MARCHF5: variants seen among roughly 807,000 people sequenced by gnomAD.
The protein encoded by MARCHF5 is E3 ubiquitin-protein ligase MARCHF5.
In MARCHF5, 5 loss-of-function variants were observed where a neutral mutation model predicts 36.5. The observed-to-expected ratio is 0.14, with a 90% CI of 0.07 to 0.29. MARCHF5 has a LOEUF of 0.29. MARCHF5 is among the 10% of genes least tolerant of loss of function. MARCHF5 has a pLI of 1.00. For missense variants in MARCHF5, 179 were observed against 336.3 expected, an observed-to-expected ratio of 0.53 and a Z score of 3.66; for synonymous variants, 103 against 109.9, an observed-to-expected ratio of 0.94 and a Z score of 0.39.
chr10:92,316,220 T>G (rs547517999), intron 2 of MARCHF5, among the ~76,000 whole-genome samples: 1 of 152,286 alleles, frequency 6.6e-6, no homozygotes, highest in Admixed American at 6.5e-5. Context: ...AGCTGGCCAA[T>G]TCTGCATCTT....
rs1490580351 is a variant in MARCHF5, at chr10:92,293,984, A to G, written c.35+2455A>G. 2.0e-5 allele frequency among the ~76,000 whole-genome samples: 3 copies of G among 152,088 alleles called. No individual in the cohort carries two copies. In the East Asian group the frequency reaches 5.8e-4, roughly 29 times the overall value. ...TTATTGTCTAGATTAGTAGTTGGCA[A>G]CCTACTTCCATGTTAGAATTACCTG... On this transcript the variant is annotated intron_variant, in intron 1 of 5. Transcript: ENST00000358935.
chr10:92,309,242 T>C (rs566269264), intron 1 of MARCHF5, among the ~76,000 whole-genome samples: 1 of 152,160 alleles, frequency 6.6e-6, no homozygotes, highest in Admixed American at 6.6e-5. Context: ...ATAAAATGTT[T>C]GGGAAAAATA....
chr10:92,312,412 C>T (rs533760584), intron 2 of MARCHF5, among the ~76,000 whole-genome samples: 12 of 152,174 alleles, frequency 7.9e-5, no homozygotes, highest in Non-Finnish European at 1.8e-4. Flanking sequence ...TGTTTTCAAA[C>T]ATTTGGAATT....
intron 1 of MARCHF5, among the ~76,000 whole-genome samples, chr10:92,294,834 T>TA (rs1169953005): frequency 1.3e-5 from 2 of 152,112 alleles, no homozygotes; most frequent in African/African-American, 4.8e-5. Flanking sequence ...GCCCAGGAGT[T>TA]AGACACCAGT....
intron 2 of MARCHF5, among the ~76,000 whole-genome samples, chr10:92,323,245 G>A (rs1843312945): frequency 6.6e-6 from 1 of 152,022 alleles, no homozygotes. Context: ...AGATTTTAGA[G>A]CCTTTTTAGG....
rs1319441635 is a variant in MARCHF5 at position 92,295,572 on chromosome 10, T to C, written c.35+4043T>C. On this transcript the variant is annotated intron_variant, in intron 1 of 5. Coordinates refer to ENST00000358935, the MANE Select transcript of MARCHF5 (RefSeq NM_017824.5). Reference sequence around the variant, plus strand: ...ACAGGCACCCGCCACTAAGGCCAGCTAATTTTTTTGTATTTTTAGTAGAGA... The same window carrying C: ...ACAGGCACCCGCCACTAAGGCCAGCCAATTTTTTTGTATTTTTAGTAGAGA... Among the ~76,000 whole-genome samples, 7 of 151,536 alleles carry C rather than the reference T, an allele frequency of 4.6e-5. No homozygotes were observed. In the East Asian group the frequency reaches 9.8e-4, roughly 21 times the overall value.
At chr10:92,332,163 G>A (rs187066010) in intron 2 of MARCHF5, among the ~76,000 whole-genome samples, 21 of 151,370 alleles carry the variant, frequency 1.4e-4, no homozygotes, top group Middle Eastern at 3.4e-3. Flanking sequence ...GAAGCCAAGA[G>A]GTTGAGACCA....
chr10:92,302,733 C>T (rs768716641), intron 1 of MARCHF5, among the ~76,000 whole-genome samples: 6 of 152,120 alleles, frequency 3.9e-5, no homozygotes, highest in South Asian at 2.1e-4. Context: ...CGTGAGCCAC[C>T]GTGCCCGGCC....
intron 2 of MARCHF5, among the ~76,000 whole-genome samples, chr10:92,315,781 A>G (rs553449326): frequency 2.0e-4 from 30 of 152,360 alleles, no homozygotes; most frequent in Admixed American, 1.5e-3. Context: ...AATAAAATAC[A>G]TATTTAACCA....
intron 2 of MARCHF5, among the ~76,000 whole-genome samples, chr10:92,330,472 T>G (rs1843423134): frequency 6.6e-6 from 1 of 152,196 alleles, no homozygotes. Context: ...GCCAGATTTC[T>G]TGGCTCCTTT....
rs551909181 is a variant in MARCHF5 at position 92,314,754 on chromosome 10, C to A, written c.238+3417C>A. On this transcript the variant is annotated intron_variant, in intron 2 of 5. Coordinates refer to ENST00000358935, the MANE Select transcript of MARCHF5 (RefSeq NM_017824.5). ...GCTGCTGCTGCTTCCCCCCGCCCCC[C>A]CCCGCCAATAGAGGTTGGGTCTTGC... Among the ~76,000 whole-genome samples the A allele has an allele frequency of 1.1e-4, 15 of 135,284 alleles. 1 individual carries two copies. The highest frequency in any genetic ancestry group is 2.3e-4 in the East Asian group (1 of 4,312). The allele number at this position is 135,284 out of a possible 152,430, so 88.8% of individuals were successfully genotyped here.
intron 2 of MARCHF5, among the ~76,000 whole-genome samples, chr10:92,329,371 A>G (rs1211912420): frequency 6.6e-6 from 1 of 152,222 alleles, no homozygotes; most frequent in Non-Finnish European, 1.5e-5. Flanking sequence ...AACCATTTTA[A>G]AGTAAGAATA....
At chr10:92,303,545 A>G (rs950580963) in intron 1 of MARCHF5, among the ~76,000 whole-genome samples, 4 of 152,042 alleles carry the variant, frequency 2.6e-5, no homozygotes, top group Admixed American at 6.6e-5. Context: ...TGATCCTCGT[A>G]TGCATGTTTG....
intron 1 of MARCHF5, among the ~76,000 whole-genome samples, chr10:92,300,690 G>A (rs532402909): frequency 7.2e-5 from 11 of 152,164 alleles, no homozygotes; most frequent in African/African-American, 2.4e-4. Flanking sequence ...AGCCAAACTG[G>A]CTTGCGCACT....
chr10:92,292,816 A>G (rs1842900487), intron 1 of MARCHF5, among the ~76,000 whole-genome samples: 2 of 152,232 alleles, frequency 1.3e-5, no homozygotes, highest in East Asian at 1.9e-4. Context: ...ATCCCAGAAC[A>G]GAGCCTGGTA....
intron 1 of MARCHF5, among the ~76,000 whole-genome samples, chr10:92,298,783 A>AG (rs1232292230): frequency 3.9e-5 from 6 of 152,250 alleles, no homozygotes; most frequent in African/African-American, 7.2e-5. Flanking sequence ...GGCTGGTCTC[A>AG]AACTCCTGAG....
rs540813048 is a variant in MARCHF5, at chr10:92,333,842, A to C, written c.239-6831A>C. On this transcript the variant is annotated intron_variant, in intron 2 of 5. Transcript: ENST00000358935. ...TGTTAAACTGTCAGTGGCCTCAAAAATCTGTACTTCTGGGTGGCTCTGAAA... is the reference window on the plus strand; with the variant it reads ...TGTTAAACTGTCAGTGGCCTCAAAACTCTGTACTTCTGGGTGGCTCTGAAA... Among the ~76,000 whole-genome samples, 300 of 152,288 alleles carry C rather than the reference A, an allele frequency of 2.0e-3. 1 individual carries two copies. Among genetic ancestry groups the C allele is most frequent in the African/African-American group, 7.0e-3 (292 of 41,554 alleles).
chr10:92,297,814 G>A (rs1025976310), intron 1 of MARCHF5, among the ~76,000 whole-genome samples: 9 of 151,796 alleles, frequency 5.9e-5, no homozygotes, highest in East Asian at 3.9e-4. Context: ...ATCCAGTCTC[G>A]TTTATGACAT....
chr10:92,312,977 T>A (rs1843163804), intron 2 of MARCHF5, among the ~76,000 whole-genome samples: 1 of 152,262 alleles, frequency 6.6e-6, no homozygotes, highest in African/African-American at 2.4e-5. Flanking sequence ...GGCTCACGCC[T>A]GTAATCCCAG....
Sources: allele counts gnomAD v4.1 joint callset (sites outside exome capture counted in the v4.1 genomes callset), GRCh38; gene constraint gnomAD v4.1.1; transcripts MANE v1.5; gene names NCBI Gene and HGNC (gene_info 2026-07-23, HGNC 2026-07-21).